RELA: variants seen among roughly 807,000 people sequenced by gnomAD.
The protein encoded by RELA is RELA proto-oncogene, NF-kB subunit, also known as transcription factor p65.
In RELA, 14 loss-of-function variants were observed where a neutral mutation model predicts 56.7. That is an observed-to-expected ratio of 0.25 (90% CI 0.16 to 0.39). The LOEUF is 0.39. Among genes scored for constraint, RELA ranks in the 10% least tolerant of loss-of-function variants. The pLI is 1.00. For synonymous variants in RELA, 315 were observed against 289.7 expected, an observed-to-expected ratio of 1.09 and a Z score of -0.89; for missense variants, 559 against 736.4, an observed-to-expected ratio of 0.76 and a Z score of 2.79.
intron 8 of RELA, among the ~76,000 whole-genome samples, chr11:65,656,772 C>A (rs1047778159): frequency 6.6e-6 from 1 of 152,204 alleles, no homozygotes; most frequent in Non-Finnish European, 1.5e-5. Flanking sequence ...CGCCTGTAAT[C>A]CCAGCACTTT....
chr11:65,658,393 G>A lies in RELA; in HGVS notation c.771C>T (p.Tyr257=), dbSNP rs1272054200. ...CAGGAGCCTGCAGGCTGGGGTCTGC[G>A]TAGGGAGGGGTCCGGAACACAATGG... ...QVAIVFRTPP[Y]ADPSLQAPVR... is the part of the protein sequence containing the mutation. The change falls in exon 8 of 11, where the codon TAC becomes TAT. Residue 257 remains tyrosine (Y), a synonymous_variant. Transcript: ENST00000406246. This position sits in a 1 kb window ranked among gnomAD's most constrained non-coding sequence, Gnocchi z 4.5. The A allele has an allele frequency of 8.1e-6, 13 of 1,613,888 alleles. No individual in the cohort carries two copies. The highest frequency in any genetic ancestry group is 5.0e-5 in the Admixed American group (3 of 59,990).
chr11:65,659,808 A>C lies in RELA; in HGVS notation c.428-11T>G. On this transcript the variant is annotated splice_polypyrimidine_tract_variant and intron_variant, in intron 5 of 10. Transcript: ENST00000406246. ...GCTCTTCTATAGGAACTGCCAAGAA[A>C]ACAGGCGATCAGGAGAGCAGGGGAA... is the stretch of plus-strand genomic sequence containing the variant. 6.2e-7 allele frequency: 1 copy of C among 1,607,236 alleles called. No homozygotes were observed.
intron 8 of RELA, among the ~76,000 whole-genome samples, chr11:65,656,851 C>A (rs1302363386): frequency 6.6e-6 from 1 of 152,158 alleles, no homozygotes; most frequent in African/African-American, 2.4e-5. Context: ...GGTGAAAACC[C>A]CGTCTCTACT....
In RELA at chr11:65,654,060, C is replaced by T. The variant is rs1204417295; in HGVS notation, c.*318G>A. The T allele has an allele frequency of 4.8e-6, 2 of 418,938 alleles. No individual in the cohort carries two copies. The highest frequency in any genetic ancestry group is 1.1e-4 in the East Asian group (2 of 17,982). 26.0% of individuals were successfully genotyped at this position (418,938 alleles called of 1,614,324 possible). A position where few individuals can be genotyped will look rare whatever the true frequency, so the allele number is the denominator to read the frequency against. On this transcript the variant is annotated 3_prime_UTR_variant, in exon 11 of 11. Coordinates refer to ENST00000406246, the MANE Select transcript of RELA (RefSeq NM_021975.4). ...GCCTGCTTCTGTCTCTAGGAGAGTA[C>T]CAGAAGCTGGAGGATGGGGATGGGG...
In RELA at chr11:65,654,850, G is replaced by A; in HGVS notation, c.1184C>T (p.Pro395Leu). 2 of 1,561,574 alleles carry A rather than the reference G, an allele frequency of 1.3e-6. No homozygotes were observed. Among genetic ancestry groups the A allele is most frequent in the South Asian group, 1.2e-5 (1 of 85,646 alleles). The change falls in exon 11 of 11, where the codon CCT (proline) becomes CTT (leucine). Residue 395 changes from proline (P) to leucine (L), a missense_variant. This residue lies in a region of RELA where 365 missense variants were observed against 387.5 expected (regional missense o/e 0.94). Coordinates refer to ENST00000406246, the MANE Select transcript of RELA (RefSeq NM_021975.4). ...CAGAGCTGATACCATGGCTGGAGCA[G>A]GGGCAGGGGCTGGAGCCTGGGGCAG... ...QVLPQAPAPA[P>L]APAMVSALAQ...
intron 8 of RELA, among the ~76,000 whole-genome samples, chr11:65,656,464 T>C (rs553602565): frequency 9.3e-4 from 142 of 152,204 alleles, no homozygotes; most frequent in Non-Finnish European, 1.8e-3. Context: ...GACAACCTCA[T>C]CATCCCTCAA....
At position 65,654,042 on chromosome 11, in the gene RELA, T is replaced by G; in HGVS notation, c.*336A>C. The G allele has an allele frequency of 5.2e-6, 2 of 381,010 alleles. No homozygotes were observed. Among genetic ancestry groups the G allele is most frequent in the South Asian group, 4.5e-5 (2 of 44,526 alleles). 23.6% of individuals were successfully genotyped at this position (381,010 alleles called of 1,614,324 possible). A position where few individuals can be genotyped will look rare whatever the true frequency, so the allele number is the denominator to read the frequency against. On this transcript the variant is annotated 3_prime_UTR_variant, in exon 11 of 11. Transcript: ENST00000406246. ...TCAAAGGCCTTACCTCCAGCCTGCT[T>G]CTGTCTCTAGGAGAGTACCAGAAGC... is the stretch of plus-strand genomic sequence containing the variant.
chr11:65,656,394 T>G (rs1449744635), intron 8 of RELA, among the ~76,000 whole-genome samples: 2 of 152,178 alleles, frequency 1.3e-5, no homozygotes, highest in African/African-American at 2.4e-5. Context: ...TTCAGAACTG[T>G]CTTTCTAATT....
intron 1 of RELA, 187 bp from the exon 2 acceptor site, chr11:65,662,392 G>A (rs1230205436): frequency 9.6e-6 from 6 of 622,552 alleles, no homozygotes; most frequent in Admixed American, 7.5e-5. Flanking sequence ...CTTCTTGAGG[G>A]AAAACGGGGT....
upstream of RELA, among the ~76,000 whole-genome samples, chr11:65,663,301 A>C (rs1225029074): frequency 6.6e-6 from 1 of 152,064 alleles, no homozygotes; most frequent in East Asian, 1.9e-4. Context: ...GAAAAGCCCG[A>C]CCGGGCCTTC....
Position 65,654,576 on chromosome 11 carries a change from G to C in RELA, c.1458C>G (p.Pro486=). The change falls in exon 11 of 11, where the codon CCC becomes CCG. Residue 486 remains proline, a synonymous_variant. Transcript: ENST00000406246. The part of the protein sequence containing the change: ...QLLNQGIPVA[P]HTTEPMLMEY... ...CCATCAGCATGGGCTCAGTTGTGTG[G>C]GGGGCCACAGGTATGCCCTGGTTCA... 1.9e-6 allele frequency: 3 copies of C among 1,613,610 alleles called. No individual in the cohort carries two copies. Among genetic ancestry groups the C allele is most frequent in the Non-Finnish European group, 2.5e-6 (3 of 1,179,794 alleles).
chr11:65,663,007 A>T (rs1856614714), upstream of RELA: 1 of 339,558 alleles, frequency 2.9e-6, no homozygotes, highest in Non-Finnish European at 4.8e-6. Flanking sequence ...GCCGGGAGCA[A>T]GTGCACGCCG....
rs767145326 is a variant in RELA at position 65,658,746 on chromosome 11, G to A, written c.636C>T (p.Ile212=). The stretch of plus-strand genomic sequence containing the variant: ...TCTGCACCTTGTCACACAGTAGGAA[G>A]ATCTCATCCCCACCGAGGCAGCTGC... ...NSGSCLGGDE[I]FLLCDKVQKE... The change falls in exon 7 of 11, where the codon ATC becomes ATT. Residue 212 remains isoleucine (I), a synonymous_variant. Coordinates refer to ENST00000406246, the MANE Select transcript of RELA (RefSeq NM_021975.4). This position sits in a 1 kb window ranked among gnomAD's most constrained non-coding sequence, Gnocchi z 4.5. 14 of 1,614,042 alleles carry A rather than the reference G, an allele frequency of 8.7e-6. No homozygotes were observed. In the East Asian group the frequency reaches 2.5e-4, roughly 28 times the overall value.
At chr11:65,663,081 G>T (rs1856616411), upstream of RELA, 1 of 254,752 alleles carries the variant, frequency 3.9e-6, no homozygotes, top group Non-Finnish European at 7.4e-6. Flanking sequence ...TGCGCGCCTC[G>T]CCGAGGACGA....
Position 65,658,384 on chromosome 11 carries a change from G to A in RELA, c.780C>T (p.Pro260=). The A allele has an allele frequency of 1.9e-6, 3 of 1,613,964 alleles. No individual in the cohort carries two copies. The highest frequency in any genetic ancestry group is 2.5e-6 in the Non-Finnish European group (3 of 1,179,962). ...AGACACGCACAGGAGCCTGCAGGCT[G>A]GGGTCTGCGTAGGGAGGGGTCCGGA... ...IVFRTPPYAD[P]SLQAPVRVSM... The change falls in exon 8 of 11, where the codon CCC becomes CCT. Residue 260 remains proline (P), a synonymous_variant. Transcript: ENST00000406246. This position sits in a 1 kb window ranked among gnomAD's most constrained non-coding sequence, Gnocchi z 4.5.
intron 10 of RELA, chr11:65,655,313 A>G (rs890339490): frequency 1.1e-5 from 6 of 566,236 alleles, no homozygotes; most frequent in African/African-American, 5.6e-5. Context: ...CTGAGAGGCA[A>G]TGAGCCCATG....
chr11:65,655,143 A>G (rs1251528624), intron 10 of RELA, 143 bp from the exon 11 acceptor site: 7 of 681,948 alleles, frequency 1.0e-5, no homozygotes, highest in East Asian at 2.7e-5. Flanking sequence ...CCTTCCTCTT[A>G]CCCCATCTGA....
chr11:65,655,306 A>T, intron 10 of RELA: 1 of 567,008 alleles, frequency 1.8e-6, no homozygotes, highest in Non-Finnish European at 3.1e-6. Context: ...CTAAGTCCTG[A>T]GAGGCAATGA....
In RELA at chr11:65,654,420, C is replaced by T. The variant is rs368024638; in HGVS notation, c.1614G>A (p.Ala538=). 1.1e-5 allele frequency: 17 copies of T among 1,611,694 alleles called. No individual in the cohort carries two copies. In the East Asian group the frequency reaches 1.1e-4, roughly 11 times the overall value. ...TCAGCAGGGCTGAGAAGTCCATGTC[C>T]GCAATGGAGGAGAAGTCTTCATCTC... ...LSGDEDFSSI[A]DMDFSALLSQ... is the part of the protein sequence containing the mutation. The change falls in exon 11 of 11, where the codon GCG becomes GCA. Residue 538 remains alanine, a synonymous_variant. Transcript: ENST00000406246.
Sources: gnomAD v4.1 joint callset for allele counts (sites outside exome capture counted in the v4.1 genomes callset) on GRCh38, gnomAD v4.1.1 for gene constraint, gnomAD v4.1.1 regional missense constraint, Gnocchi (gnomAD v3.1) non-coding constraint, MANE v1.5 for transcripts, NCBI Gene and HGNC (gene_info 2026-07-23, HGNC 2026-07-21) for gene names.